The following CCDC15 variants were observed in gnomAD, a reference collection of about 807,000 sequenced individuals.
CCDC15 encodes the protein coiled-coil domain containing 15.
A neutral mutation model predicts 114.5 loss-of-function variants in CCDC15; 105 were observed. That is an observed-to-expected ratio of 0.92 (90% CI 0.78 to 1.08). CCDC15 has a LOEUF of 1.08. Ranked by LOEUF, CCDC15 falls within the 50% of genes least tolerant of loss-of-function variation. CCDC15 has a pLI of 0.00. For synonymous variants in CCDC15, 334 were observed against 377.8 expected, an observed-to-expected ratio of 0.88 and a Z score of 1.34; for missense variants, 1,105 against 1,093.6, an observed-to-expected ratio of 1.01 and a Z score of -0.15.
intron 11 of CCDC15, among the ~76,000 whole-genome samples, chr11:124,994,166 C>G (rs1413078628): frequency 6.6e-6 from 1 of 152,182 alleles, no homozygotes; most frequent in African/African-American, 2.4e-5. Flanking sequence ...ATACATTAGG[C>G]AGCAGCTATC....
chr11:125,038,190 G>C (rs939704787), intron 13 of CCDC15: 7 of 272,018 alleles, frequency 2.6e-5, no homozygotes, highest in Middle Eastern at 2.2e-3. Context: ...AGAGTGCTGG[G>C]ATTACAGGCA....
Position 125,038,919 on chromosome 11 carries a change from A to C in CCDC15, c.2586-2A>C, listed in dbSNP as rs1473480056. 6.2e-7 allele frequency: 1 copy of C among 1,610,244 alleles called. No individual in the cohort carries two copies. Among genetic ancestry groups the C allele is most frequent in the South Asian group, 1.1e-5 (1 of 90,320 alleles). Reference sequence around the variant, plus strand: ...TTGCCTGATTATACTTTATTTGTACAGATATGTAGAAGCTTTACGAGCCCA... The same window carrying C: ...TTGCCTGATTATACTTTATTTGTACCGATATGTAGAAGCTTTACGAGCCCA... On this transcript the variant is annotated splice_acceptor_variant, in intron 14 of 15. Coordinates refer to ENST00000344762, the MANE Select transcript of CCDC15 (RefSeq NM_025004.3). LOFTEE classifies it high-confidence loss of function.
Position 124,959,964 on chromosome 11 carries a change from A to G in CCDC15, c.477A>G (p.Glu159=). The part of the protein sequence containing the change: ...SLMPGDGIED[E]ENQNELFQQQ... ...TGCCTGGGGATGGAATAGAGGATGA[A>G]GAGAATCAGAACGAATTATTCCAAC... Residue 159 remains glutamate, a synonymous_variant, in exon 4 of 16, where the codon GAA becomes GAG. Transcript: ENST00000344762. 1.3e-6 allele frequency: 2 copies of G among 1,579,432 alleles called. No individual in the cohort carries two copies. The highest frequency in any genetic ancestry group is 1.7e-6 in the Non-Finnish European group (2 of 1,160,826).
intron 5 of CCDC15, among the ~76,000 whole-genome samples, chr11:124,976,536 A>G (rs546394590): frequency 2.7e-4 from 41 of 152,088 alleles, no homozygotes; most frequent in African/African-American, 9.4e-4. Context: ...TTTCATACCT[A>G]TCGTGGTTTG....
rs1188288459 is a variant in CCDC15 at position 124,993,223 on chromosome 11, A to G, written c.2194A>G (p.Asn732Asp). ...TGAGAAATGGGAGATTGCAAGAGGA[A>G]ATACTCCTGGAGTGCCCTTGGTATG... is the stretch of plus-strand genomic sequence containing the variant. Reference protein sequence around the residue: ...SFEKWEIARGNTPGVPLAYDR... With the variant: ...SFEKWEIARGDTPGVPLAYDR... The change falls in exon 11 of 16, where the codon AAT becomes GAT. Residue 732 changes from asparagine (N) to aspartate (D), a missense_variant. Physicochemically the swap from Asn to Asp is conservative, Grantham distance 23 (BLOSUM62 1). Transcript: ENST00000344762. 4 of 1,604,980 alleles carry G rather than the reference A, an allele frequency of 2.5e-6. No individual in the cohort carries two copies. Among genetic ancestry groups the G allele is most frequent in the Non-Finnish European group, 2.6e-6 (3 of 1,173,786 alleles).
At chr11:125,008,250 G>A (rs1214490844) in intron 13 of CCDC15, among the ~76,000 whole-genome samples, 2 of 151,984 alleles carry the variant, frequency 1.3e-5, no homozygotes, top group Non-Finnish European at 2.9e-5. Context: ...TATATTTTTT[G>A]TTAGACTTAT....
chr11:125,015,777 C>A (rs1221588739), intron 13 of CCDC15, among the ~76,000 whole-genome samples: 2 of 152,118 alleles, frequency 1.3e-5, no homozygotes, highest in Non-Finnish European at 2.9e-5. Context: ...TACAAGAAAG[C>A]AGCATTACAG....
chr11:125,009,324 A>G (rs1250180488), intron 13 of CCDC15, among the ~76,000 whole-genome samples: 1 of 152,222 alleles, frequency 6.6e-6, no homozygotes, highest in Non-Finnish European at 1.5e-5. Context: ...CAAAGTGCTA[A>G]TATGTGTAAT....
intron 8 of CCDC15, 89 bp downstream of exon 8, chr11:124,988,223 G>A: frequency 1.5e-6 from 2 of 1,338,248 alleles, no homozygotes; most frequent in Non-Finnish European, 2.0e-6. Flanking sequence ...AGTATACCTT[G>A]GAGATACTGT....
chr11:125,029,291 C>T (rs10790719), intron 13 of CCDC15, among the ~76,000 whole-genome samples: 50,420 of 152,036 alleles, frequency 0.33, 9,859 homozygotes, highest in East Asian at 0.74. Context: ...TATTAACCAT[C>T]ACAAGTCTAC....
At chr11:125,020,134 G>A (rs1185697771) in intron 13 of CCDC15, among the ~76,000 whole-genome samples, 1 of 151,822 alleles carries the variant, frequency 6.6e-6, no homozygotes, top group African/African-American at 2.4e-5. Context: ...AGGAACAGCA[G>A]GAAAAAAGTT....
At chr11:124,962,217 A>G (rs113619789) in intron 4 of CCDC15, among the ~76,000 whole-genome samples, 42 of 152,300 alleles carry the variant, frequency 2.8e-4, no homozygotes, top group African/African-American at 9.6e-4. Flanking sequence ...CAGTTCAGGC[A>G]CGAACTCCCT....
chr11:124,965,080 AG>A (rs774533398), intron 4 of CCDC15, among the ~76,000 whole-genome samples: 15 of 152,168 alleles, frequency 9.9e-5, no homozygotes, highest in Admixed American at 2.0e-4. Flanking sequence ...GATGTTCATC[AG>A]GGATATTGGT....
At chr11:124,998,063 A>G (rs1376714059) in intron 11 of CCDC15, among the ~76,000 whole-genome samples, 1 of 152,212 alleles carries the variant, frequency 6.6e-6, no homozygotes, top group Non-Finnish European at 1.5e-5. Flanking sequence ...ATTGTGTCCT[A>G]CAGTTGTATG....
chr11:124,992,467 A>G (rs2135493701), intron 9 of CCDC15, 113 bp from the exon 10 acceptor site: 1 of 651,836 alleles, frequency 1.5e-6, no homozygotes, highest in East Asian at 2.7e-5. Flanking sequence ...GTATCAGAAT[A>G]TTTTTACCTG....
At chr11:124,998,938 C>T (rs1948425398) in intron 11 of CCDC15, among the ~76,000 whole-genome samples, 1 of 151,918 alleles carries the variant, frequency 6.6e-6, no homozygotes, top group Admixed American at 6.6e-5. Context: ...GGGGTTTCGC[C>T]ATGTTAGTTA....
At chr11:124,999,452 AT>A (rs959492900) in intron 11 of CCDC15, among the ~76,000 whole-genome samples, 62 of 143,038 alleles carry the variant, frequency 4.3e-4, no homozygotes, top group African/African-American at 1.2e-3. Context: ...CATGCTGTTC[AT>A]TTTTTTTTTC....
At chr11:125,030,479 G>T (rs1293976221) in intron 13 of CCDC15, among the ~76,000 whole-genome samples, 1 of 152,198 alleles carries the variant, frequency 6.6e-6, no homozygotes, top group East Asian at 1.9e-4. Flanking sequence ...AAGGCATTCT[G>T]TGAGTACAGA....
intron 13 of CCDC15, among the ~76,000 whole-genome samples, chr11:125,017,205 G>T (rs927941863): frequency 6.6e-6 from 1 of 152,128 alleles, no homozygotes; most frequent in Non-Finnish European, 1.5e-5. Context: ...TTCATTCATT[G>T]ATTTAGCAGC....
Sources: gnomAD v4.1 joint callset for allele counts (sites outside exome capture counted in the v4.1 genomes callset) on GRCh38, gnomAD v4.1.1 for gene constraint, MANE v1.5 for transcripts, NCBI Gene and HGNC (gene_info 2026-07-23, HGNC 2026-07-21) for gene names.